ZDHHC13: variants seen among roughly 807,000 people sequenced by gnomAD.
The protein encoded by ZDHHC13 is zDHHC palmitoyltransferase 13.
Under a neutral mutation model 86.0 loss-of-function variants are expected in ZDHHC13, and 85 were observed. The observed-to-expected ratio is 0.99, with a 90% CI of 0.83 to 1.18. The LOEUF is 1.18. Ranked by LOEUF, ZDHHC13 falls within the 50% of genes most tolerant of loss-of-function variation. The probability of loss-of-function intolerance (pLI) is 0.00; values close to 1 mark genes in which losing one functional copy is unlikely to be tolerated. For missense variants in ZDHHC13, 711 were observed against 730.2 expected, an observed-to-expected ratio of 0.97 and a Z score of 0.30; for synonymous variants, 263 against 246.4, an observed-to-expected ratio of 1.07 and a Z score of -0.63.
At chr11:19,142,522 C>G (rs1849349198) in intron 1 of ZDHHC13, among the ~76,000 whole-genome samples, 1 of 152,116 alleles carries the variant, frequency 6.6e-6, no homozygotes, top group Admixed American at 6.5e-5. Flanking sequence ...TAGGGTATGT[C>G]CACCACAACT....
chr11:19,174,408 C>T (rs1194587191), intron 16 of ZDHHC13, among the ~76,000 whole-genome samples: 1 of 152,210 alleles, frequency 6.6e-6, no homozygotes, highest in Non-Finnish European at 1.5e-5. Flanking sequence ...TAGCATGCAT[C>T]CCCACTGCCA....
In ZDHHC13 at chr11:19,161,956, A is replaced by G. The variant is rs115588298; in HGVS notation, c.1109-1347A>G. 6.9e-3 allele frequency among the ~76,000 whole-genome samples: 1,055 copies of G among 152,210 alleles called. 7 individuals carry two copies. Among genetic ancestry groups the G allele is most frequent in the African/African-American group, 0.024 (996 of 41,544 alleles). On this transcript the variant is annotated intron_variant, in intron 10 of 16. Transcript: ENST00000446113. The stretch of plus-strand genomic sequence containing the variant: ...CAACAGCAGCTTCTCTGTCCTCTAC[A>G]CTGGTGTTTGCTCTGTTTTGAATTA...
intron 5 of ZDHHC13, among the ~76,000 whole-genome samples, chr11:19,150,301 C>T (rs769683528): frequency 5.9e-5 from 9 of 152,000 alleles, no homozygotes; most frequent in Non-Finnish European, 1.3e-4. Flanking sequence ...AGACAAGTTG[C>T]CTCAGAAGAT....
intron 1 of ZDHHC13, among the ~76,000 whole-genome samples, chr11:19,121,136 A>G (rs1057503715): frequency 1.6e-4 from 25 of 152,360 alleles, no homozygotes; most frequent in African/African-American, 5.3e-4. Context: ...AACTTTTCCC[A>G]TGAATTCAAG....
chr11:19,126,529 T>A (rs1848882772), intron 1 of ZDHHC13, among the ~76,000 whole-genome samples: 1 of 142,980 alleles, frequency 7.0e-6, no homozygotes, highest in Admixed American at 7.0e-5. Flanking sequence ...TTTTTTTTTT[T>A]AGTAGAGACG....
At chr11:19,147,782 C>CCA (rs1554963641) in intron 4 of ZDHHC13, 109 bp downstream of exon 4, 4 of 728,606 alleles carry the variant, frequency 5.5e-6, no homozygotes, top group African/African-American at 1.9e-5. Flanking sequence ...TCCCCCCCCC[C>CCA]CTTTATTTAA....
intron 1 of ZDHHC13, among the ~76,000 whole-genome samples, chr11:19,119,887 T>A (rs1287318067): frequency 6.6e-6 from 1 of 152,156 alleles, no homozygotes; most frequent in East Asian, 1.9e-4. Context: ...TTTAATGACA[T>A]GAGAACTTTT....
At chr11:19,149,108 G>A in intron 4 of ZDHHC13, 79 bp from the exon 5 acceptor site, 2 of 1,264,208 alleles carry the variant, frequency 1.6e-6, no homozygotes, top group Admixed American at 7.0e-5. Flanking sequence ...AATCCCTCAT[G>A]TCTTAGGAAT....
At chr11:19,153,992 CT>C (rs764498671) in intron 8 of ZDHHC13, among the ~76,000 whole-genome samples, 22 of 152,106 alleles carry the variant, frequency 1.4e-4, no homozygotes, top group Non-Finnish European at 2.6e-4. Flanking sequence ...GCAGATGAAT[CT>C]TCTAAAATGT....
chr11:19,163,222 G>T (rs1185058862), intron 10 of ZDHHC13, 81 bp from the exon 11 acceptor site: 41 of 1,433,600 alleles, frequency 2.9e-5, no homozygotes, highest in Non-Finnish European at 3.8e-5. Flanking sequence ...AGATTCTTAG[G>T]TGCCAATGAT....
chr11:19,176,033 T>C lies in ZDHHC13; in HGVS notation c.*73T>C. The C allele has an allele frequency of 6.7e-7, 1 of 1,493,546 alleles. No homozygotes were observed. The highest frequency in any genetic ancestry group is 1.4e-5 in the South Asian group (1 of 71,760). The allele number at this position is 1,493,546 out of a possible 1,614,324, so 92.5% of individuals were successfully genotyped here. A position where few individuals can be genotyped will look rare whatever the true frequency, so the allele number is the denominator to read the frequency against. ...GATGCCCTGTAGTTTGAAAGTGAAG[T>C]AAAGATTTAGAATTCACCTAAGTCC... is the stretch of plus-strand genomic sequence containing the variant. On this transcript the variant is annotated 3_prime_UTR_variant, in exon 17 of 17. Coordinates refer to ENST00000446113, the MANE Select transcript of ZDHHC13 (RefSeq NM_019028.3).
rs569776783 is a variant in ZDHHC13, at chr11:19,163,958, TA to T, written c.1234-342del. ...GTGCTTGTAACTTTCAGTTTTGATG[TA>T]TACTGGTGGGTTTTTCTTTTTTAAT... On this transcript the variant is annotated intron_variant, in intron 11 of 16. Coordinates refer to ENST00000446113, the MANE Select transcript of ZDHHC13 (RefSeq NM_019028.3). 3.1e-3 allele frequency among the ~76,000 whole-genome samples: 471 copies of T among 152,306 alleles called. 6 individuals are homozygous for T. Among genetic ancestry groups the T allele is most frequent in the Middle Eastern group, 0.017 (5 of 294 alleles).
chr11:19,147,782 C>A (rs73438359), intron 4 of ZDHHC13, 109 bp downstream of exon 4: 16 of 728,602 alleles, frequency 2.2e-5, no homozygotes, highest in South Asian at 3.2e-5. Context: ...TCCCCCCCCC[C>A]CTTTATTTAA....
chr11:19,174,320 C>T (rs968201973), intron 16 of ZDHHC13, among the ~76,000 whole-genome samples: 22 of 152,194 alleles, frequency 1.4e-4, no homozygotes, highest in Admixed American at 2.0e-4. Flanking sequence ...CTGCTGTTGA[C>T]CACAGGTAAC....
chr11:19,120,898 G>A (rs1485063245), intron 1 of ZDHHC13, among the ~76,000 whole-genome samples: 1 of 152,190 alleles, frequency 6.6e-6, no homozygotes, highest in Admixed American at 6.5e-5. Context: ...ACTTGGAGCT[G>A]GAAGGCTTTT....
chr11:19,160,249 A>G (rs527629735), intron 10 of ZDHHC13, among the ~76,000 whole-genome samples: 33 of 152,148 alleles, frequency 2.2e-4, no homozygotes, highest in African/African-American at 6.8e-4. Flanking sequence ...TGAATGGCAC[A>G]GCATACATTG....
rs202062847 is a variant in ZDHHC13, at chr11:19,118,114, C to CA, written c.27+839dup. Among the ~76,000 whole-genome samples the CA allele has an allele frequency of 8.1e-3, 1,235 of 152,302 alleles. 14 individuals carry two copies. The highest frequency in any genetic ancestry group is 0.028 in the African/African-American group (1,162 of 41,546). On this transcript the variant is annotated intron_variant, in intron 1 of 16. Transcript: ENST00000446113. Reference sequence around the variant, plus strand: ...GTGCATAACCCATGTCAGATGCTTTCATATGCATTATTTTATTCCAGAATT... The same window carrying CA: ...GTGCATAACCCATGTCAGATGCTTTCAATATGCATTATTTTATTCCAGAATT...
At chr11:19,164,401 C>A in intron 12 of ZDHHC13, 38 bp downstream of exon 12, 1 of 1,588,872 alleles carries the variant, frequency 6.3e-7, no homozygotes, top group Non-Finnish European at 8.6e-7. Flanking sequence ...GTAGTGAAAG[C>A]AAAGTCTTGG....
chr11:19,157,789 G>T (rs78618392), intron 9 of ZDHHC13, among the ~76,000 whole-genome samples: 1 of 152,126 alleles, frequency 6.6e-6, no homozygotes, highest in Admixed American at 6.5e-5. Context: ...AAAAATGGAC[G>T]CAATTCAAAT....
Sources: gnomAD v4.1 joint callset for allele counts (sites outside exome capture counted in the v4.1 genomes callset) on GRCh38, gnomAD v4.1.1 for gene constraint, MANE v1.5 for transcripts, NCBI Gene and HGNC (gene_info 2026-07-23, HGNC 2026-07-21) for gene names.